Variants in BAIAP2 observed in about 807,000 individuals in gnomAD.
The protein encoded by BAIAP2 is BAR/IMD domain-containing adapter protein 2.
BAIAP2 carries 18 observed loss-of-function variants against 63.0 expected under a neutral mutation model. That is an observed-to-expected ratio of 0.29 (90% confidence interval 0.20 to 0.42). BAIAP2 has a LOEUF of 0.42. Among genes scored for constraint, BAIAP2 ranks in the 10% least tolerant of loss-of-function variants. BAIAP2 has a pLI of 1.00. For missense variants in BAIAP2, 610 were observed against 734.3 expected (o/e 0.83, Z 1.96); for synonymous variants, 386 against 307.6 (o/e 1.25, Z -2.67).
rs535289043 is a variant in BAIAP2, at chr17:81,035,172, C to G, written c.-83C>G. On this transcript the variant is annotated 5_prime_UTR_variant, in exon 1 of 14. Transcript: ENST00000428708. ...CTCTGTGGTTCGGGTCCGCTTTCGTCTCCGTCCTGCTGCCGTTACCGCCGC... is the reference window on the plus strand; with the variant it reads ...CTCTGTGGTTCGGGTCCGCTTTCGTGTCCGTCCTGCTGCCGTTACCGCCGC... 2.5e-6 allele frequency: 3 copies of G among 1,207,596 alleles called. No homozygotes were observed. The highest frequency in any genetic ancestry group is 3.4e-5 in the East Asian group (1 of 29,038). The allele number at this position is 1,207,596 out of a possible 1,614,324, so 74.8% of individuals were successfully genotyped here. A position where few individuals can be genotyped will look rare whatever the true frequency, so the allele number is the denominator to read the frequency against.
chr17:81,108,884 G>C, intron 13 of BAIAP2: 1 of 1,500,022 alleles, frequency 6.7e-7, no homozygotes, highest in Non-Finnish European at 8.9e-7. Context: ...GCTGAAAGGG[G>C]CATTGCTCGG....
At chr17:81,038,894 C>G (rs1468392989) in intron 1 of BAIAP2, among the ~76,000 whole-genome samples, 1 of 27,782 alleles carries the variant, frequency 3.6e-5, no homozygotes, top group Non-Finnish European at 8.4e-5. Flanking sequence ...GAGTCGCCTT[C>G]CTGGGTGGGG....
intron 6 of BAIAP2, among the ~76,000 whole-genome samples, chr17:81,092,463 A>AC (rs2145563740): frequency 6.6e-6 from 1 of 152,262 alleles, no homozygotes; most frequent in South Asian, 2.1e-4. Flanking sequence ...CCTGCCCCAG[A>AC]GAGGCAGGCA....
At chr17:81,088,980 T>C (rs1011604727) in intron 6 of BAIAP2, among the ~76,000 whole-genome samples, 16 of 152,164 alleles carry the variant, frequency 1.1e-4, no homozygotes, top group Non-Finnish European at 1.9e-4. Context: ...AGCTCCCTGG[T>C]TTTCAGGTGC....
intron 5 of BAIAP2, 143 bp from the exon 6 acceptor site, chr17:81,086,300 A>G (rs550783482): frequency 1.9e-6 from 2 of 1,044,284 alleles, no homozygotes; most frequent in East Asian, 2.4e-5. Context: ...ATGCACGGCC[A>G]GAGAGCGAGC....
intron 3 of BAIAP2, among the ~76,000 whole-genome samples, chr17:81,066,031 T>A (rs758940037): frequency 6.6e-6 from 1 of 152,270 alleles, no homozygotes; most frequent in Non-Finnish European, 1.5e-5. Flanking sequence ...AGCCTGTCTA[T>A]CTGGGGCCCT....
intron 1 of BAIAP2, among the ~76,000 whole-genome samples, chr17:81,048,412 G>GCA (rs1235545197): frequency 6.7e-6 from 1 of 149,314 alleles, no homozygotes; most frequent in Non-Finnish European, 1.5e-5. Context: ...GTGGACCCCA[G>GCA]CACGGCCCAG....
At chr17:81,059,849 G>C (rs1422654530) in intron 3 of BAIAP2, among the ~76,000 whole-genome samples, 1 of 152,114 alleles carries the variant, frequency 6.6e-6, no homozygotes, top group African/African-American at 2.4e-5. Context: ...TCTGCCCGTG[G>C]GGAACTCCAG....
Position 81,115,616 on chromosome 17 carries a change from G to A in BAIAP2, c.1536-154G>A, listed in dbSNP as rs532762976. 1.5e-4 allele frequency among the ~76,000 whole-genome samples: 23 copies of A among 152,344 alleles called. No individual in the cohort carries two copies. The South Asian group carries it at 3.7e-3, about 25-fold the overall frequency. On this transcript the variant is annotated intron_variant, in intron 13 of 13. Coordinates refer to ENST00000428708, the MANE Select transcript of BAIAP2 (RefSeq NM_001144888.2). ...GACAGCGCCTGGTCCTCCCTGCCCC[G>A]CAAAGCAGCGTATATTGTCTGTGAG...
intron 3 of BAIAP2, among the ~76,000 whole-genome samples, chr17:81,080,724 A>C (rs957682244): frequency 1.3e-5 from 2 of 152,148 alleles, no homozygotes; most frequent in Non-Finnish European, 2.9e-5. Context: ...GGGGCTGCAG[A>C]ATGTGGCGGG....
At position 81,104,515 on chromosome 17, in the gene BAIAP2, C is replaced by T. The variant is rs1488603305; in HGVS notation, c.1068C>T (p.Thr356=). 9 of 1,592,800 alleles carry T rather than the reference C, an allele frequency of 5.7e-6. No homozygotes were observed. The highest frequency in any genetic ancestry group is 2.2e-4 in the Middle Eastern group (1 of 4,464). ...CTTACCTGTCCCTTGTCCCAGCAGC[C>T]GAGAACAAGACTCTGCCTCGCTCGA... The part of the protein sequence containing the change: ...SVTPKNSYAT[T]ENKTLPRSSS... Residue 356 remains threonine, a splice_region_variant and synonymous_variant, in exon 10 of 14, where the codon ACC becomes ACT. Transcript: ENST00000428708.
Position 81,115,913 on chromosome 17 carries a change from G to A in BAIAP2, c.*74G>A, listed in dbSNP as rs776180690. The A allele has an allele frequency of 6.9e-6, 11 of 1,592,264 alleles. No individual in the cohort carries two copies. The highest frequency in any genetic ancestry group is 1.7e-4 in the Middle Eastern group (1 of 5,728). ...CATGTAGCCTGTTCTGTCATCATCTGTGCGTTCCTGTGTAGAGAACATCCA... is the reference window on the plus strand; with the variant it reads ...CATGTAGCCTGTTCTGTCATCATCTATGCGTTCCTGTGTAGAGAACATCCA... On this transcript the variant is annotated 3_prime_UTR_variant, in exon 14 of 14. Coordinates refer to ENST00000428708, the MANE Select transcript of BAIAP2 (RefSeq NM_001144888.2).
chr17:81,092,353 G>C (rs1016984890), intron 6 of BAIAP2, among the ~76,000 whole-genome samples: 3 of 152,236 alleles, frequency 2.0e-5, no homozygotes, highest in African/African-American at 7.2e-5. Context: ...GTGTGGCAGC[G>C]GCCAGGCCTT....
chr17:81,063,132 CA>C (rs1284312090), intron 3 of BAIAP2, among the ~76,000 whole-genome samples: 1 of 151,916 alleles, frequency 6.6e-6, no homozygotes, highest in Non-Finnish European at 1.5e-5. Flanking sequence ...AGGAGAGGGG[CA>C]AAGGGTGTGT....
intron 11 of BAIAP2, among the ~76,000 whole-genome samples, chr17:81,106,409 G>C (rs1210976622): frequency 1.3e-5 from 2 of 152,180 alleles, no homozygotes; most frequent in Non-Finnish European, 2.9e-5. Flanking sequence ...TGGGGGCCAG[G>C]TGTGCAAGGA....
In BAIAP2 at chr17:81,086,341, A is replaced by T. The variant is rs1005130344; in HGVS notation, c.352-102A>T. 37 of 1,413,692 alleles carry T rather than the reference A, an allele frequency of 2.6e-5. No individual in the cohort carries two copies. In the Middle Eastern group the frequency reaches 9.2e-4, roughly 35 times the overall value. The allele number at this position is 1,413,692 out of a possible 1,614,324, so 87.6% of individuals were successfully genotyped here. ...AGGGAGTGGCAGGGCTGGCAAGGGG[A>T]CCCCGTTGCGTTGGGCTCATGGGCC... On this transcript the variant is annotated intron_variant, in intron 5 of 13. Transcript: ENST00000428708.
chr17:81,087,873 C>G (rs775445901), intron 6 of BAIAP2: 1 of 151,966 alleles, frequency 6.6e-6, no homozygotes, highest in Non-Finnish European at 1.5e-5. Context: ...TCTTTTGATC[C>G]TTTCCGTTTT....
At chr17:81,099,671 C>T (rs577385584) in intron 6 of BAIAP2, among the ~76,000 whole-genome samples, 71 of 152,242 alleles carry the variant, frequency 4.7e-4, no homozygotes, top group South Asian at 1.0e-3. Flanking sequence ...GCAGGACCCT[C>T]CACTCACCCA....
chr17:81,110,552 G>A (rs968130891), intron 13 of BAIAP2: 21 of 1,143,998 alleles, frequency 1.8e-5, no homozygotes, highest in Non-Finnish European at 2.2e-5. Flanking sequence ...CCCGGCGTGC[G>A]TCTTTGCCGT....
Sources: gnomAD v4.1 joint callset for allele counts (sites outside exome capture counted in the v4.1 genomes callset) on GRCh38, gnomAD v4.1.1 for gene constraint, MANE v1.5 for transcripts, NCBI Gene and HGNC (gene_info 2026-07-23, HGNC 2026-07-21) for gene names.